CHEK2: variants seen among roughly 807,000 people sequenced by gnomAD.
CHEK2 encodes the protein checkpoint kinase 2.
Under a neutral mutation model 69.1 loss-of-function variants are expected in CHEK2, and 71 were observed. The ratio of observed to expected loss-of-function variants is 1.03; its 90% CI spans 0.85 to 1.25. CHEK2 has a LOEUF of 1.25. Ranked by LOEUF, CHEK2 falls within the 50% of genes most tolerant of loss-of-function variation. CHEK2 has a pLI of 0.00. For missense variants in CHEK2, 664 were observed against 649.6 expected (o/e 1.02, Z -0.24); for synonymous variants, 189 against 226.9 (o/e 0.83, Z 1.50).
Position 28,712,013 on chromosome 22 carries a change from C to A in CHEK2, c.688G>T (p.Ala230Ser), listed in dbSNP as rs748636216. 40 of 1,610,176 alleles carry A rather than the reference C, an allele frequency of 2.5e-5. No individual in the cohort carries two copies. The highest frequency in any genetic ancestry group is 4.0e-5 in the African/African-American group (3 of 74,372). ...AAAGCCAGCTTTACCTCTCCACAGG[C>A]ACCACTAGAGGGAAAAACAAAGATA... ...YIMSKTLGSG[A>S]CGEVKLAFER... is the part of the protein sequence containing the mutation. Residue 230 changes from alanine to serine, a missense_variant, in exon 6 of 15, where the codon GCC (alanine) becomes TCC (serine). Ala to Ser is a moderately conservative substitution (Grantham distance 99). Coordinates refer to ENST00000404276, the MANE Select transcript of CHEK2 (RefSeq NM_007194.4).
At chr22:28,701,988 A>C in intron 8 of CHEK2, among the ~76,000 whole-genome samples, 1 of 146,402 alleles carries the variant, frequency 6.8e-6, no homozygotes, top group Admixed American at 6.9e-5. Flanking sequence ...TCTCACTCCC[A>C]TTGTCCAGGC....
At chr22:28,735,401 G>A (rs557030107) in intron 1 of CHEK2, among the ~76,000 whole-genome samples, 8 of 149,138 alleles carry the variant, frequency 5.4e-5, no homozygotes, top group East Asian at 4.0e-4. Flanking sequence ...GCAAGACTCC[G>A]TTTCAAAAAA....
At chr22:28,727,754 T>C (rs1426448062) in intron 2 of CHEK2, among the ~76,000 whole-genome samples, 7 of 152,160 alleles carry the variant, frequency 4.6e-5, no homozygotes, top group Admixed American at 3.9e-4. Flanking sequence ...ATATGAAAGG[T>C]GGCCAAGCTA....
chr22:28,731,732 T>C (rs1314598728), intron 2 of CHEK2, among the ~76,000 whole-genome samples: 3 of 152,148 alleles, frequency 2.0e-5, no homozygotes, highest in Non-Finnish European at 4.4e-5. Context: ...TCTCGCTATA[T>C]TGCCCAGCAG....
At chr22:28,728,246 T>A (rs2054077193) in intron 2 of CHEK2, 1 of 152,098 alleles carries the variant, frequency 6.6e-6, no homozygotes, top group Non-Finnish European at 1.5e-5. Context: ...AAAATTAGAA[T>A]GAGAGAGATA....
intron 9 of CHEK2, 148 bp downstream of exon 9, chr22:28,699,690 G>A (rs1332042123): frequency 2.3e-5 from 16 of 705,558 alleles, no homozygotes; most frequent in Non-Finnish European, 4.1e-5. Flanking sequence ...TCAGTGAAAG[G>A]AGTAGGACAT....
intron 7 of CHEK2, among the ~76,000 whole-genome samples, chr22:28,704,192 C>A (rs540583364): frequency 4.4e-4 from 66 of 151,224 alleles, no homozygotes; most frequent in African/African-American, 1.4e-3. Context: ...GACCACTGAT[C>A]AATGCAGGGT....
chr22:28,712,330 G>C, intron 5 of CHEK2: 1 of 370,084 alleles, frequency 2.7e-6, no homozygotes, highest in Non-Finnish European at 4.9e-6. Flanking sequence ...ACGTATCCGA[G>C]AGGTCAGAAA....
At chr22:28,727,410 G>C (rs1230749349) in intron 2 of CHEK2, among the ~76,000 whole-genome samples, 1 of 152,056 alleles carries the variant, frequency 6.6e-6, no homozygotes, top group Non-Finnish European at 1.5e-5. Context: ...ATATCTTTTT[G>C]GGTATGGGCC....
intron 7 of CHEK2, among the ~76,000 whole-genome samples, chr22:28,708,193 A>AG: frequency 6.6e-6 from 1 of 151,968 alleles, no homozygotes; most frequent in African/African-American, 2.4e-5. Flanking sequence ...AGAAAATTGG[A>AG]GGGCTCCTCT....
At chr22:28,720,167 T>C (rs866956592) in intron 4 of CHEK2, among the ~76,000 whole-genome samples, 70 of 149,676 alleles carry the variant, frequency 4.7e-4, no homozygotes, top group African/African-American at 1.5e-3. Context: ...CTCAGCTCAC[T>C]GCAACCTCCA....
chr22:28,713,970 C>T (rs1569143829), intron 5 of CHEK2, among the ~76,000 whole-genome samples: 1 of 152,202 alleles, frequency 6.6e-6, no homozygotes, highest in Non-Finnish European at 1.5e-5. Context: ...CGTGAGCCAC[C>T]GTGCCCAGCC....
At chr22:28,723,326 C>T (rs1469863708) in intron 4 of CHEK2, among the ~76,000 whole-genome samples, 3 of 152,256 alleles carry the variant, frequency 2.0e-5, no homozygotes, top group Admixed American at 1.3e-4. Flanking sequence ...AGGCCGGGCG[C>T]GGTGGCTCAC....
chr22:28,688,572 G>C (rs1185277778), intron 14 of CHEK2, among the ~76,000 whole-genome samples: 2 of 152,256 alleles, frequency 1.3e-5, no homozygotes, highest in African/African-American at 4.8e-5. Context: ...GGGAGACTGA[G>C]GCAGGAGAAC....
rs568816268 is a variant in CHEK2, at chr22:28,713,605, C to G, written c.684-1588G>C. Among the ~76,000 whole-genome samples the G allele has an allele frequency of 3.7e-3, 567 of 152,258 alleles. 4 individuals carry two copies. Among genetic ancestry groups the G allele is most frequent in the Non-Finnish European group, 6.0e-3 (407 of 68,022 alleles). ...TCTCCTGACCTCGTGATCCTCCCAT[C>G]TCGGCCTCCCAAAGTGCTGGGATTA... On this transcript the variant is annotated intron_variant, in intron 5 of 14. Coordinates refer to ENST00000404276, the MANE Select transcript of CHEK2 (RefSeq NM_007194.4).
In CHEK2 at chr22:28,734,650, G is replaced by A. The variant is rs759679862; in HGVS notation, c.72C>T (p.Ser24=). Residue 24 remains serine (S), a synonymous_variant, in exon 2 of 15, where the codon AGC becomes AGT. Coordinates refer to ENST00000404276, the MANE Select transcript of CHEK2 (RefSeq NM_007194.4). ...AGGAGGAGCCTTGGGACTGGGTAAC[G>A]CTGCCATGGGGCTGTGAACAGGCAC... is the stretch of plus-strand genomic sequence containing the variant. ...GSSACSQPHG[S]VTQSQGSSSQ... is the part of the protein sequence containing the mutation. 6.2e-7 allele frequency: 1 copy of A among 1,613,950 alleles called. No individual in the cohort carries two copies. The highest frequency in any genetic ancestry group is 1.1e-5 in the South Asian group (1 of 91,064).
chr22:28,702,816 G>C (rs1180750388), intron 8 of CHEK2, among the ~76,000 whole-genome samples: 10 of 152,048 alleles, frequency 6.6e-5, no homozygotes, highest in Non-Finnish European at 1.3e-4. Context: ...CAAAGTGCTG[G>C]GATTACAGGC....
rs398040472 is a variant in CHEK2, at chr22:28,698,228, TAA to T, written c.1009-1243_1009-1242del. ...CAACATGGTGAAACCCTATCTTTAC[TAA>T]AAAAAAAAAAAAAAAAATTAGCTGG... On this transcript the variant is annotated intron_variant, in intron 9 of 14. Transcript: ENST00000404276. Among the ~76,000 whole-genome samples, 56 of 81,878 alleles carry T rather than the reference TAA, an allele frequency of 6.8e-4. 1 individual carries two copies. Among genetic ancestry groups the T allele is most frequent in the African/African-American group, 1.6e-3 (43 of 26,204 alleles). 53.7% of individuals were successfully genotyped at this position (81,878 alleles called of 152,430 possible). A position where few individuals can be genotyped will look rare whatever the true frequency, so the allele number is the denominator to read the frequency against.
chr22:28,732,099 G>A (rs1349771387), intron 2 of CHEK2, among the ~76,000 whole-genome samples: 2 of 151,478 alleles, frequency 1.3e-5, no homozygotes, highest in East Asian at 1.9e-4. Context: ...CTGCCACAAC[G>A]CCCCGCAAAT....
Sources: gnomAD v4.1 joint callset for allele counts (sites outside exome capture counted in the v4.1 genomes callset) on GRCh38, gnomAD v4.1.1 for gene constraint, MANE v1.5 for transcripts, NCBI Gene and HGNC (gene_info 2026-07-23, HGNC 2026-07-21) for gene names.